Variants in CTIF observed in about 807,000 individuals in gnomAD.
The protein encoded by CTIF is CBP80/20-dependent translation initiation factor.
In CTIF, 21 loss-of-function variants were observed where a neutral mutation model predicts 66.0. The ratio of observed to expected loss-of-function variants is 0.32; its 90% CI spans 0.23 to 0.46. The LOEUF is 0.46. Among genes scored for constraint, CTIF ranks in the 20% least tolerant of loss-of-function variants. The pLI, the probability that CTIF is intolerant of heterozygous loss-of-function variation, is 1.00. For synonymous variants in CTIF, 345 were observed against 326.4 expected (o/e 1.06, Z -0.62); for missense variants, 739 against 812.7 (o/e 0.91, Z 1.10).
chr18:48,792,036 C>T (rs1042501396), intron 9 of CTIF, among the ~76,000 whole-genome samples: 2 of 152,182 alleles, frequency 1.3e-5, no homozygotes, highest in Admixed American at 1.3e-4. Context: ...TACATTCTAG[C>T]GAGGAGGGGA....
chr18:48,728,749 A>G (rs1307797169), intron 7 of CTIF, among the ~76,000 whole-genome samples: 1 of 151,584 alleles, frequency 6.6e-6, no homozygotes, highest in East Asian at 1.9e-4. Flanking sequence ...TGAGAGAGAG[A>G]GAGAGAGAGA....
intron 3 of CTIF, among the ~76,000 whole-genome samples, chr18:48,661,527 G>T (rs1384025400): frequency 6.6e-6 from 1 of 152,232 alleles, no homozygotes; most frequent in Non-Finnish European, 1.5e-5. Flanking sequence ...CTTGGGGGTT[G>T]TGTGATAGAA....
At position 48,817,355 on chromosome 18, in the gene CTIF, C is replaced by G. The variant is rs1437391136; in HGVS notation, c.1506C>G (p.Pro502=). 1 of 1,611,702 alleles carries G rather than the reference C, an allele frequency of 6.2e-7. No homozygotes were observed. The highest frequency in any genetic ancestry group is 2.2e-5 in the East Asian group (1 of 44,810). Residue 502 remains proline, a synonymous_variant, in exon 10 of 12, where the codon CCC becomes CCG. Transcript: ENST00000256413. ...TGEPFRVLVC[P]IYTCLRELLQ... is the part of the protein sequence containing the mutation. ...AGCCCTTCCGTGTGCTCGTGTGCCC[C>G]ATCTACACCTGCCTCAGGGAGGTAA...
Position 48,729,822 on chromosome 18 carries a change from C to T in CTIF, c.584+18127C>T, listed in dbSNP as rs139036241. On this transcript the variant is annotated intron_variant, in intron 7 of 11. Transcript: ENST00000256413. ...GCTGTGGAGAGAAGTCCCTCAGAAA[C>T]GGAAATATTTTGGCAGGCATGAGGA... is the stretch of plus-strand genomic sequence containing the variant. 7.9e-5 allele frequency among the ~76,000 whole-genome samples: 12 copies of T among 152,282 alleles called. 1 individual carries two copies. The highest frequency in any genetic ancestry group is 4.1e-4 in the South Asian group (2 of 4,828).
intron 9 of CTIF, among the ~76,000 whole-genome samples, chr18:48,808,479 T>G (rs2068195283): frequency 6.6e-6 from 1 of 151,992 alleles, no homozygotes; most frequent in African/African-American, 2.4e-5. Context: ...TCCAGAAATG[T>G]GAGAAATACT....
intron 7 of CTIF, among the ~76,000 whole-genome samples, chr18:48,724,168 G>A (rs1261091378): frequency 1.3e-5 from 2 of 152,176 alleles, no homozygotes; most frequent in East Asian, 1.9e-4. Context: ...TTCCAAGTAG[G>A]CCTGGACAGA....
chr18:48,802,387 A>G (rs1188473030), intron 9 of CTIF, among the ~76,000 whole-genome samples: 1 of 152,240 alleles, frequency 6.6e-6, no homozygotes, highest in African/African-American at 2.4e-5. Context: ...TGCAGAGACA[A>G]CAACTCAGCC....
intron 9 of CTIF, among the ~76,000 whole-genome samples, chr18:48,812,114 C>A (rs1298069659): frequency 6.6e-6 from 1 of 152,120 alleles, no homozygotes; most frequent in African/African-American, 2.4e-5. Flanking sequence ...AGGCACCCAC[C>A]ACCACACCTG....
intron 7 of CTIF, among the ~76,000 whole-genome samples, chr18:48,733,693 C>T (rs1224332120): frequency 6.6e-6 from 1 of 152,236 alleles, no homozygotes; most frequent in Non-Finnish European, 1.5e-5. Context: ...TCTGAGCCCA[C>T]CTAGGGTTTT....
chr18:48,660,591 A>G (rs995196596), intron 3 of CTIF, among the ~76,000 whole-genome samples: 6 of 152,210 alleles, frequency 3.9e-5, no homozygotes, highest in African/African-American at 1.4e-4. Context: ...GAAATGCCCA[A>G]GTTTGCCCTG....
At chr18:48,539,737 C>T (rs2088560680) in intron 1 of CTIF, 1 of 152,728 alleles carries the variant, frequency 6.5e-6, no homozygotes, top group Non-Finnish European at 1.5e-5. Flanking sequence ...GAGCGCGATT[C>T]CTCTCCCTTT....
intron 6 of CTIF, among the ~76,000 whole-genome samples, chr18:48,691,423 C>T (rs941786119): frequency 3.3e-5 from 5 of 151,546 alleles, no homozygotes; most frequent in African/African-American, 4.9e-5. Flanking sequence ...TTGTAGGGGT[C>T]GTTACCAAAA....
intron 1 of CTIF, among the ~76,000 whole-genome samples, chr18:48,558,105 G>T (rs1233958725): frequency 6.6e-6 from 1 of 152,092 alleles, no homozygotes; most frequent in Non-Finnish European, 1.5e-5. Context: ...TTGTTGCTCA[G>T]GCTGGAGTAT....
chr18:48,747,457 G>A (rs548924591), intron 7 of CTIF, among the ~76,000 whole-genome samples: 4 of 152,306 alleles, frequency 2.6e-5, no homozygotes, highest in East Asian at 1.9e-4. Flanking sequence ...ACAGGGTGGC[G>A]GCCCACATGC....
At chr18:48,592,511 AAAG>A (rs1413469802) in intron 1 of CTIF, among the ~76,000 whole-genome samples, 16 of 150,044 alleles carry the variant, frequency 1.1e-4, no homozygotes, top group Admixed American at 9.2e-4. Flanking sequence ...AAAAAAAAAA[AAAG>A]AAAAAGAAAA....
chr18:48,563,090 G>A (rs2089198757), intron 1 of CTIF, among the ~76,000 whole-genome samples: 1 of 152,240 alleles, frequency 6.6e-6, no homozygotes. Context: ...TCTTGGGCAG[G>A]TGGGAGCCTG....
At chr18:48,856,058 A>G (rs1055542337) in intron 10 of CTIF, among the ~76,000 whole-genome samples, 4 of 152,162 alleles carry the variant, frequency 2.6e-5, no homozygotes, top group Admixed American at 6.5e-5. Context: ...CTATTTGGGG[A>G]GGAAAATATT....
intron 1 of CTIF, among the ~76,000 whole-genome samples, chr18:48,564,329 G>A (rs183053040): frequency 4.6e-4 from 70 of 151,930 alleles, no homozygotes; most frequent in African/African-American, 1.6e-3. Context: ...ATGTGTGGAT[G>A]GAGGCCTTGC....
intron 3 of CTIF, among the ~76,000 whole-genome samples, chr18:48,654,512 T>C (rs972901539): frequency 9.9e-5 from 15 of 152,192 alleles, no homozygotes; most frequent in African/African-American, 3.4e-4. Context: ...AGGAACACTT[T>C]TACACTGTTG....
Sources: allele counts gnomAD v4.1 joint callset (sites outside exome capture counted in the v4.1 genomes callset), GRCh38; gene constraint gnomAD v4.1.1; transcripts MANE v1.5; gene names NCBI Gene and HGNC (gene_info 2026-07-23, HGNC 2026-07-21).